The following RPL28 variants were observed in gnomAD, a reference collection of about 807,000 sequenced individuals.
RPL28 encodes ribosomal protein L28.
A neutral mutation model predicts 12.5 loss-of-function variants in RPL28; 4 were observed. The ratio of observed to expected loss-of-function variants is 0.32; its 90% CI spans 0.16 to 0.73. The LOEUF (loss-of-function observed/expected upper bound fraction) is 0.73. Ranked by LOEUF, RPL28 falls within the 30% of genes least tolerant of loss-of-function variation. The pLI is 0.66. For missense variants in RPL28, 214 were observed against 197.7 expected (o/e 1.08, Z -0.49); for synonymous variants, 91 against 72.5 (o/e 1.26, Z -1.30).
chr19:55,386,115 T>A, intron 1 of RPL28, 150 bp downstream of exon 1: 1 of 534,990 alleles, frequency 1.9e-6, no homozygotes, highest in Non-Finnish European at 3.4e-6. Context: ...TTCAAGTTAT[T>A]TTCCCCTCAC....
intron 3 of RPL28, chr19:55,387,104 A>AT (rs1294656605): frequency 7.4e-7 from 1 of 1,360,154 alleles, no homozygotes; most frequent in Non-Finnish European, 9.9e-7. Context: ...GGTTGCAGCC[A>AT]TTTGATTCCC....
At chr19:55,387,028 G>A (rs1247252162) in intron 3 of RPL28, 3 of 1,442,868 alleles carry the variant, frequency 2.1e-6, no homozygotes, top group African/African-American at 2.9e-5. Context: ...TCCCACAGGT[G>A]GGAAGATTGA....
downstream of RPL28, among the ~76,000 whole-genome samples, chr19:55,396,157 G>A (rs148515487): frequency 4.0e-5 from 6 of 151,682 alleles, no homozygotes; most frequent in Non-Finnish European, 7.4e-5. Context: ...CGTAGTTCCA[G>A]TTCCTTGGGA....
At position 55,387,968 on chromosome 19, in the gene RPL28, A is replaced by G. The variant is rs750708696; in HGVS notation, c.244A>G (p.Ile82Val). ...KPATSYVRTT[I>V]NKNARATLSS... ...TGCCACCTCCTATGTGCGGACCACCATCAACAAGAATGCTCGCGCCACGCT... is the reference window on the plus strand; with the variant it reads ...TGCCACCTCCTATGTGCGGACCACCGTCAACAAGAATGCTCGCGCCACGCT... The change falls in exon 4 of 5, where the codon ATC (isoleucine) becomes GTC (valine). Residue 82 changes from isoleucine (I) to valine (V), a missense_variant. Transcript: ENST00000344063. 7 of 1,605,218 alleles carry G rather than the reference A, an allele frequency of 4.4e-6. No homozygotes were observed. Among genetic ancestry groups the G allele is most frequent in the Middle Eastern group, 1.9e-4 (1 of 5,162 alleles).
downstream of RPL28, among the ~76,000 whole-genome samples, chr19:55,392,289 T>C (rs1414608478): frequency 6.6e-6 from 1 of 152,142 alleles, no homozygotes; most frequent in Non-Finnish European, 1.5e-5. Flanking sequence ...TGGAGTGCAG[T>C]GGCGCAATCA....
chr19:55,396,887 CCTTT>C (rs2090028473), downstream of RPL28, among the ~76,000 whole-genome samples: 1 of 150,928 alleles, frequency 6.6e-6, no homozygotes, highest in Non-Finnish European at 1.5e-5. Context: ...GCCTCCCTTC[CCTTT>C]CTTTCTGAGG....
At chr19:55,386,096 T>G in intron 1 of RPL28, 131 bp downstream of exon 1, 1 of 481,428 alleles carries the variant, frequency 2.1e-6, no homozygotes. Context: ...CGTGAAGTCG[T>G]TGTGAATTTT....
At chr19:55,395,443 C>CTTT (rs535831486), downstream of RPL28, among the ~76,000 whole-genome samples, 1 of 132,128 alleles carries the variant, frequency 7.6e-6, no homozygotes, top group African/African-American at 2.9e-5. Flanking sequence ...TTCTTTTTCT[C>CTTT]TTTTTTTTTT....
In RPL28 at chr19:55,389,205, T is replaced by C; in HGVS notation, c.*873T>C. On this transcript the variant is annotated 3_prime_UTR_variant, in exon 5 of 5. Transcript: ENST00000344063. ...ACACCGTCTCTAAAATAAAATTAGC[T>C]GGGTGTGGTGGTGCACCGCCTGTGG... is the stretch of plus-strand genomic sequence containing the variant. 1 of 953,368 alleles carries C rather than the reference T, an allele frequency of 1.0e-6. No homozygotes were observed. The highest frequency in any genetic ancestry group is 1.2e-6 in the Non-Finnish European group (1 of 800,738). 59.1% of individuals were successfully genotyped at this position (953,368 alleles called of 1,614,324 possible). A position where few individuals can be genotyped will look rare whatever the true frequency, so the allele number is the denominator to read the frequency against.
In RPL28 at chr19:55,388,641, G is replaced by A. The variant is rs1489577648; in HGVS notation, c.*309G>A. 2.5e-6 allele frequency: 3 copies of A among 1,183,268 alleles called. No individual in the cohort carries two copies. The highest frequency in any genetic ancestry group is 4.1e-5 in the South Asian group (1 of 24,260). 73.3% of individuals were successfully genotyped at this position (1,183,268 alleles called of 1,614,324 possible). ...CCTGAAGAATCCCAGCTGGGGCAGT[G>A]GCTTCCATTCAGAAGAAGAAAGGCC... On this transcript the variant is annotated 3_prime_UTR_variant, in exon 5 of 5. Transcript: ENST00000344063.
rs1354411511 is a variant in RPL28, at chr19:55,391,521, G to T, written c.*3189G>T. 8.8e-6 allele frequency: 13 copies of T among 1,478,588 alleles called. No individual in the cohort carries two copies. The African/African-American group carries it at 1.4e-4, about 16-fold the overall frequency. The allele number at this position is 1,478,588 out of a possible 1,614,324, so 91.6% of individuals were successfully genotyped here. On this transcript the variant is annotated 3_prime_UTR_variant, in exon 5 of 5. Transcript: ENST00000344063. ...GGACTCCAGACTCCCCACAGCAGCAGAGACTCGGGACTGAGGCATCCTCTG... is the reference window on the plus strand; with the variant it reads ...GGACTCCAGACTCCCCACAGCAGCATAGACTCGGGACTGAGGCATCCTCTG...
At chr19:55,399,556 T>G (rs901258820) in intron 4 of RPL28, among the ~76,000 whole-genome samples, 2 of 152,204 alleles carry the variant, frequency 1.3e-5, no homozygotes, top group African/African-American at 4.8e-5. Flanking sequence ...TCAGCCCCTC[T>G]CTTCCCAGAG....
At position 55,391,693 on chromosome 19, in the gene RPL28, G is replaced by A; in HGVS notation, c.*3361G>A. 1 of 1,538,010 alleles carries A rather than the reference G, an allele frequency of 6.5e-7. No individual in the cohort carries two copies. Among genetic ancestry groups the A allele is most frequent in the Non-Finnish European group, 8.8e-7 (1 of 1,135,414 alleles). ...AGACCCTACTACTCAGGGTTGATGA[G>A]AAGATTAAATGTGCAAAACCTGCTT... On this transcript the variant is annotated 3_prime_UTR_variant, in exon 5 of 5. Coordinates refer to ENST00000344063, the MANE Select transcript of RPL28 (RefSeq NM_000991.5).
downstream of RPL28, among the ~76,000 whole-genome samples, chr19:55,395,633 T>C (rs28497230): frequency 0.36 from 53,868 of 150,804 alleles, 9,798 homozygotes; most frequent in Middle Eastern, 0.39. Context: ...TTAGTAGACA[T>C]GGGGTTTCAC....
chr19:55,389,908 C>G lies in RPL28; in HGVS notation c.*1576C>G. On this transcript the variant is annotated 3_prime_UTR_variant, in exon 5 of 5. Transcript: ENST00000344063. ...ACCTGCTCAGGAGCCCCCACTGTCC[C>G]AGTCCCACTCAGGCCCATCTCTGGC... The G allele has an allele frequency of 2.0e-6, 2 of 985,568 alleles. No homozygotes were observed. Among genetic ancestry groups the G allele is most frequent in the Non-Finnish European group, 1.2e-6 (1 of 830,058 alleles). The allele number at this position is 985,568 out of a possible 1,614,324, so 61.1% of individuals were successfully genotyped here.
rs2089985905 is a variant in RPL28 at position 55,391,073 on chromosome 19, A to G, written c.*2741A>G. Reference sequence around the variant, plus strand: ...ACAAAAGAAAAGCGTCTTGTCACATACAGAAGGTCCCTGATAAAGTTAGTA... The same window carrying G: ...ACAAAAGAAAAGCGTCTTGTCACATGCAGAAGGTCCCTGATAAAGTTAGTA... On this transcript the variant is annotated 3_prime_UTR_variant, in exon 5 of 5. Coordinates refer to ENST00000344063, the MANE Select transcript of RPL28 (RefSeq NM_000991.5). 3.5e-6 allele frequency: 2 copies of G among 564,200 alleles called. No homozygotes were observed. The highest frequency in any genetic ancestry group is 2.9e-4 in the East Asian group (2 of 6,970). The allele number at this position is 564,200 out of a possible 1,614,324, so 34.9% of individuals were successfully genotyped here.
At chr19:55,399,014 G>T (rs932328397) in intron 4 of RPL28, among the ~76,000 whole-genome samples, 3 of 151,848 alleles carry the variant, frequency 2.0e-5, no homozygotes, top group African/African-American at 7.3e-5. Context: ...TTGAGGAAGG[G>T]TCTCCCTCTC....
In RPL28 at chr19:55,390,899, G is replaced by A; in HGVS notation, c.*2567G>A. 1.0e-6 allele frequency: 1 copy of A among 985,458 alleles called. No individual in the cohort carries two copies. The highest frequency in any genetic ancestry group is 1.2e-6 in the Non-Finnish European group (1 of 829,936). The allele number at this position is 985,458 out of a possible 1,614,324, so 61.0% of individuals were successfully genotyped here. On this transcript the variant is annotated 3_prime_UTR_variant, in exon 5 of 5. Transcript: ENST00000344063. ...CCTCATCTTGGAGAGAGAGATGTTGGATGGGGCCATCTATTCCAGCTTTAT... is the reference window on the plus strand; with the variant it reads ...CCTCATCTTGGAGAGAGAGATGTTGAATGGGGCCATCTATTCCAGCTTTAT...
chr19:55,390,490 A>G lies in RPL28; in HGVS notation c.*2158A>G, dbSNP rs866456176. 1.1e-5 allele frequency: 11 copies of G among 985,430 alleles called. No individual in the cohort carries two copies. In the South Asian group the frequency reaches 4.2e-4, roughly 38 times the overall value. The allele number at this position is 985,430 out of a possible 1,614,324, so 61.0% of individuals were successfully genotyped here. On this transcript the variant is annotated 3_prime_UTR_variant, in exon 5 of 5. Transcript: ENST00000344063. ...AAAGTGCTGGCATTACAGGCGCTCG[A>G]GGCTTTCTGATGTGGCTGCTGCTGC...
Sources: gnomAD v4.1 joint callset for allele counts (sites outside exome capture counted in the v4.1 genomes callset) on GRCh38, gnomAD v4.1.1 for gene constraint, MANE v1.5 for transcripts, NCBI Gene and HGNC (gene_info 2026-07-23, HGNC 2026-07-21) for gene names.